Variants in MEMO1 observed in about 807,000 individuals in gnomAD.
The protein encoded by MEMO1 is protein MEMO1.
Under a neutral mutation model 45.2 loss-of-function variants are expected in MEMO1, and 6 were observed. The ratio of observed to expected loss-of-function variants is 0.13; its 90% confidence interval spans 0.07 to 0.26. The LOEUF (loss-of-function observed/expected upper bound fraction) is 0.26. MEMO1 is among the 10% of genes least tolerant of loss of function. The pLI, the probability that MEMO1 is intolerant of heterozygous loss-of-function variation, is 1.00. For synonymous variants in MEMO1, 78 were observed against 124.3 expected, an observed-to-expected ratio of 0.63 and a Z score of 2.48; for missense variants, 184 against 370.5, an observed-to-expected ratio of 0.50 and a Z score of 4.13.
chr2:31,910,932 A>C (rs989350020), intron 6 of MEMO1, among the ~76,000 whole-genome samples: 2 of 152,132 alleles, frequency 1.3e-5, no homozygotes, highest in Non-Finnish European at 1.5e-5. Context: ...GACAGTAATA[A>C]AAACAATATA....
intron 3 of MEMO1, among the ~76,000 whole-genome samples, chr2:31,933,081 T>C (rs1308228572): frequency 6.6e-6 from 1 of 151,660 alleles, no homozygotes; most frequent in Non-Finnish European, 1.5e-5. Context: ...TACTTTTTTT[T>C]AAGGGGGTAA....
intron 3 of MEMO1, among the ~76,000 whole-genome samples, chr2:31,933,530 T>A (rs1664557517): frequency 6.6e-6 from 1 of 151,484 alleles, no homozygotes; most frequent in African/African-American, 2.4e-5. Flanking sequence ...CATCAAATTG[T>A]GTGCTTTAAA....
intron 6 of MEMO1, among the ~76,000 whole-genome samples, chr2:31,893,870 T>C (rs1000416692): frequency 3.3e-5 from 5 of 152,198 alleles, no homozygotes; most frequent in African/African-American, 1.2e-4. Context: ...TAAGGAGGTA[T>C]AAAATTCTAT....
intron 5 of MEMO1, among the ~76,000 whole-genome samples, chr2:31,919,291 A>C (rs1041497834): frequency 1.3e-5 from 2 of 151,476 alleles, no homozygotes; most frequent in African/African-American, 4.9e-5. Flanking sequence ...CCCCCAACCT[A>C]CAGCTACGTG....
chr2:31,912,099 C>T (rs921790408), intron 6 of MEMO1, among the ~76,000 whole-genome samples: 1 of 151,950 alleles, frequency 6.6e-6, no homozygotes, highest in African/African-American at 2.4e-5. Flanking sequence ...TTTGGGAGGC[C>T]GAGGGCGGGT....
chr2:31,903,354 A>C (rs1040443678), intron 6 of MEMO1, among the ~76,000 whole-genome samples: 3 of 140,080 alleles, frequency 2.1e-5, no homozygotes, highest in African/African-American at 7.9e-5. Context: ...TTGTTGTCAT[A>C]GTAATACCAC....
chr2:31,960,150 T>C (rs527504098), intron 2 of MEMO1, among the ~76,000 whole-genome samples: 136 of 150,934 alleles, frequency 9.0e-4, no homozygotes, highest in Admixed American at 2.8e-3. Flanking sequence ...TGAGTCGATA[T>C]CACGCCACTG....
intron 2 of MEMO1, 136 bp downstream of exon 2, chr2:32,010,051 C>T: frequency 4.2e-6 from 1 of 239,440 alleles, no homozygotes; most frequent in Non-Finnish European, 6.6e-6. Flanking sequence ...CCTCCCCACG[C>T]GGTCCGCGCC....
intron 2 of MEMO1, among the ~76,000 whole-genome samples, chr2:31,959,308 AT>A (rs898653588): frequency 1.3e-5 from 2 of 152,148 alleles, no homozygotes; most frequent in African/African-American, 4.8e-5. Flanking sequence ...GACAATAGAA[AT>A]GTTAGAAAAA....
At chr2:31,934,453 G>C (rs1461710061) in intron 3 of MEMO1, among the ~76,000 whole-genome samples, 2 of 148,892 alleles carry the variant, frequency 1.3e-5, no homozygotes, top group Non-Finnish European at 3.0e-5. Flanking sequence ...GACTGAGCGA[G>C]ACTTTATTTC....
chr2:31,989,598 T>G (rs887615855), intron 2 of MEMO1, among the ~76,000 whole-genome samples: 14 of 152,174 alleles, frequency 9.2e-5, no homozygotes, highest in African/African-American at 3.4e-4. Flanking sequence ...AAACACAATA[T>G]GAAAACTTTA....
intron 6 of MEMO1, among the ~76,000 whole-genome samples, chr2:31,893,867 G>T (rs564125007): frequency 6.6e-6 from 1 of 152,126 alleles, no homozygotes; most frequent in Non-Finnish European, 1.5e-5. Context: ...CTGTAAGGAG[G>T]TATAAAATTC....
chr2:31,918,254 T>C (rs1464872911), intron 5 of MEMO1, among the ~76,000 whole-genome samples: 1 of 152,174 alleles, frequency 6.6e-6, no homozygotes, highest in East Asian at 1.9e-4. Flanking sequence ...CTAGTTTTTA[T>C]GTAACAGGTA....
intron 2 of MEMO1, among the ~76,000 whole-genome samples, chr2:31,952,474 C>A (rs907943164): frequency 6.6e-6 from 1 of 152,122 alleles, no homozygotes; most frequent in Non-Finnish European, 1.5e-5. Context: ...AAAAGAGCTA[C>A]AAATTTGGAG....
At chr2:31,975,454 T>C (rs1374269047) in intron 2 of MEMO1, among the ~76,000 whole-genome samples, 1 of 152,168 alleles carries the variant, frequency 6.6e-6, no homozygotes, top group African/African-American at 2.4e-5. Flanking sequence ...TAAAAGCCCA[T>C]ACTCCTCTTG....
intron 8 of MEMO1, among the ~76,000 whole-genome samples, chr2:31,871,496 TATAC>T (rs1164623923): frequency 1.6e-4 from 4 of 25,456 alleles, no homozygotes; most frequent in African/African-American, 4.1e-4. Flanking sequence ...ATATTCCATA[TATAC>T]ACACACACAC....
intron 6 of MEMO1, among the ~76,000 whole-genome samples, chr2:31,917,099 T>C (rs756369426): frequency 2.0e-4 from 31 of 152,144 alleles, no homozygotes; most frequent in Non-Finnish European, 4.0e-4. Context: ...TTAGTACATT[T>C]AATTAATATT....
At chr2:31,903,605 T>C (rs1472212512) in intron 6 of MEMO1, among the ~76,000 whole-genome samples, 1 of 152,200 alleles carries the variant, frequency 6.6e-6, no homozygotes. Context: ...AGCTCACTCA[T>C]GTTCTATACG....
At chr2:31,950,495 G>A (rs1666719837) in intron 2 of MEMO1, among the ~76,000 whole-genome samples, 1 of 151,820 alleles carries the variant, frequency 6.6e-6, no homozygotes, top group Admixed American at 6.6e-5. Flanking sequence ...CAGGCAAGCA[G>A]ATCACTTGAG....
Sources: gnomAD v4.1 joint callset for allele counts (sites outside exome capture counted in the v4.1 genomes callset) on GRCh38, gnomAD v4.1.1 for gene constraint, MANE v1.5 for transcripts, NCBI Gene and HGNC (gene_info 2026-07-23, HGNC 2026-07-21) for gene names.